The following TICRR variants were observed in gnomAD, a reference collection of about 807,000 sequenced individuals.
TICRR encodes treslin.
TICRR carries 132 observed loss-of-function variants against 178.1 expected under a neutral mutation model. The ratio of observed to expected loss-of-function variants is 0.74; its 90% CI spans 0.64 to 0.86. The LOEUF (loss-of-function observed/expected upper bound fraction) is 0.86, where lower values mean the gene tolerates loss of function less well. Ranked by LOEUF, TICRR falls within the 40% of genes least tolerant of loss-of-function variation. The pLI is 0.00. For synonymous variants in TICRR, 991 were observed against 900.7 expected (o/e 1.10, Z -1.79); for missense variants, 2,587 against 2,334.3 (o/e 1.11, Z -2.23).
At chr15:89,593,263 T>C (rs1167509395) in intron 5 of TICRR, among the ~76,000 whole-genome samples, 1 of 152,222 alleles carries the variant, frequency 6.6e-6, no homozygotes, top group Non-Finnish European at 1.5e-5. Context: ...GGTGCAGCTA[T>C]CCATTTATTT....
intron 15 of TICRR, among the ~76,000 whole-genome samples, chr15:89,612,421 C>T (rs1167074469): frequency 6.6e-6 from 1 of 152,158 alleles, no homozygotes; most frequent in Non-Finnish European, 1.5e-5. Flanking sequence ...GCCTGGTTGA[C>T]CAAAGCATGC....
At chr15:89,595,070 T>C (rs906761935) in intron 6 of TICRR, among the ~76,000 whole-genome samples, 1 of 152,222 alleles carries the variant, frequency 6.6e-6, no homozygotes, top group Non-Finnish European at 1.5e-5. Context: ...TTCAGAAATT[T>C]TCATCACCAT....
At chr15:89,584,938 G>A (rs545900865) in intron 3 of TICRR, among the ~76,000 whole-genome samples, 1 of 152,288 alleles carries the variant, frequency 6.6e-6, no homozygotes, top group South Asian at 2.1e-4. Context: ...TATATACAAT[G>A]TAATATAATT....
At chr15:89,620,281 T>A (rs1963403402) in intron 18 of TICRR, among the ~76,000 whole-genome samples, 2 of 152,182 alleles carry the variant, frequency 1.3e-5, no homozygotes, top group African/African-American at 4.8e-5. Context: ...CGAACACAGC[T>A]CACTGTAGCC....
intron 4 of TICRR, among the ~76,000 whole-genome samples, chr15:89,589,783 C>T (rs1203896973): frequency 1.3e-5 from 2 of 152,066 alleles, no homozygotes; most frequent in Non-Finnish European, 2.9e-5. Flanking sequence ...GGGAAAACTA[C>T]AGTTGGGGCA....
chr15:89,623,867 C>G lies in TICRR; in HGVS notation c.3557C>G (p.Thr1186Ser). The part of the protein sequence containing the change: ...QKRHTQAGEG[T>S]SLETKTPRTP... ...CGACATACCCAGGCAGGAGAAGGTACCTCTCTTGAAACGAAGACACCAAGA... is the reference window on the plus strand; with the variant it reads ...CGACATACCCAGGCAGGAGAAGGTAGCTCTCTTGAAACGAAGACACCAAGA... Residue 1186 changes from threonine (T) to serine (S), a missense_variant, in exon 20 of 22, where the codon ACC becomes AGC. Physicochemically the swap from Thr to Ser is moderately conservative, Grantham distance 58. Transcript: ENST00000268138. 6.2e-7 allele frequency: 1 copy of G among 1,613,884 alleles called. No homozygotes were observed. Among genetic ancestry groups the G allele is most frequent in the African/African-American group, 1.3e-5 (1 of 74,988 alleles).
chr15:89,576,706 T>G (rs1377881296), intron 1 of TICRR, among the ~76,000 whole-genome samples: 1 of 151,522 alleles, frequency 6.6e-6, no homozygotes, highest in Non-Finnish European at 1.5e-5. Context: ...ACTTAACCAT[T>G]TCTCCATATG....
chr15:89,625,751 T>C lies in TICRR; in HGVS notation c.5441T>C (p.Leu1814Pro). The change falls in exon 20 of 22, where the codon CTA becomes CCA. Residue 1814 changes from leucine to proline, a missense_variant. Leu to Pro is a moderately conservative substitution (Grantham distance 98). Transcript: ENST00000268138. ...EGSPSWSAWQ[L>P]PSTGDEEVFV... Reference sequence around the variant, plus strand: ...TCTCCAAGTTGGAGTGCATGGCAGCTACCCTCCACGGGAGACGAAGAGGTG... The same window carrying C: ...TCTCCAAGTTGGAGTGCATGGCAGCCACCCTCCACGGGAGACGAAGAGGTG... 1 of 1,612,410 alleles carries C rather than the reference T, an allele frequency of 6.2e-7. No homozygotes were observed. Among genetic ancestry groups the C allele is most frequent in the Non-Finnish European group, 8.5e-7 (1 of 1,179,376 alleles).
intron 17 of TICRR, among the ~76,000 whole-genome samples, chr15:89,618,686 TGTG>T (rs1275254321): frequency 6.6e-6 from 1 of 152,218 alleles, no homozygotes; most frequent in Admixed American, 6.5e-5. Flanking sequence ...GAGCAGCAGG[TGTG>T]GTGGTTCACG....
At position 89,625,805 on chromosome 15, in the gene TICRR, C is replaced by T. The variant is rs1474074682; in HGVS notation, c.5476+19C>T. 5 of 1,582,818 alleles carry T rather than the reference C, an allele frequency of 3.2e-6. No individual in the cohort carries two copies. Among genetic ancestry groups the T allele is most frequent in the Non-Finnish European group, 4.3e-6 (5 of 1,163,858 alleles). ...GTTTCCGGTGAGTTCGTTTTTGAAA[C>T]CCAGTTTCCTCATGGTTTCTTTTGG... On this transcript the variant is annotated intron_variant, in intron 20 of 21. Coordinates refer to ENST00000268138, the MANE Select transcript of TICRR (RefSeq NM_152259.4).
In TICRR at chr15:89,625,956, T is replaced by C. The variant is rs200586263; in HGVS notation, c.5497T>C (p.Cys1833Arg). The C allele has an allele frequency of 2.0e-4, 312 of 1,586,770 alleles. No homozygotes were observed. The highest frequency in any genetic ancestry group is 5.1e-4 in the Middle Eastern group (3 of 5,906). Residue 1833 changes from cysteine (C) to arginine (R), a missense_variant, in exon 21 of 22, where the codon TGT becomes CGT. Transcript: ENST00000268138. ...FVSGSTPPPS[C>R]AVRSCLSASA... ...TTTAGGCTCCACCCCACCTCCCAGC[T>C]GTGCCGTGCGGAGCTGCCTCTCTGC...
In TICRR at chr15:89,625,160, C is replaced by T; in HGVS notation, c.4850C>T (p.Pro1617Leu). 1 of 1,613,882 alleles carries T rather than the reference C, an allele frequency of 6.2e-7. No homozygotes were observed. The highest frequency in any genetic ancestry group is 8.5e-7 in the Non-Finnish European group (1 of 1,179,988). The change falls in exon 20 of 22, where the codon CCT becomes CTT. Residue 1617 changes from proline (P) to leucine (L), a missense_variant. Pro to Leu is a moderately conservative substitution (Grantham distance 98). Coordinates refer to ENST00000268138, the MANE Select transcript of TICRR (RefSeq NM_152259.4). ...AGGGCCAGCAGGTCCTTAAGCAAAC[C>T]TGAACCCACCTATGTGTCACCCCCC... ...MPRASRSLSKPEPTYVSPPCP... is the reference protein window; with the variant it reads ...MPRASRSLSKLEPTYVSPPCP...
chr15:89,610,017 G>A (rs1005057031), intron 15 of TICRR, among the ~76,000 whole-genome samples: 5 of 151,980 alleles, frequency 3.3e-5, no homozygotes, highest in Non-Finnish European at 7.4e-5. Context: ...ATTTCGGAGC[G>A]CATTAATTTC....
intron 13 of TICRR, among the ~76,000 whole-genome samples, chr15:89,604,231 A>G (rs1963140927): frequency 6.6e-6 from 1 of 152,246 alleles, no homozygotes; most frequent in African/African-American, 2.4e-5. Flanking sequence ...AGATATTTGT[A>G]GCAGTCCTTT....
rs200636801 is a variant in TICRR at position 89,599,403 on chromosome 15, G to A, written c.1980G>A (p.Leu660=). ...QKTVATGEIM[L]YACARNMIST... Reference sequence around the variant, plus strand: ...CTGTGGCCACAGGAGAAATCATGTTGTATGCATGTGCTCGAAACATGATCT... The same window carrying A: ...CTGTGGCCACAGGAGAAATCATGTTATATGCATGTGCTCGAAACATGATCT... The change falls in exon 8 of 22, where the codon TTG becomes TTA. Residue 660 remains leucine, a synonymous_variant. Coordinates refer to ENST00000268138, the MANE Select transcript of TICRR (RefSeq NM_152259.4). The A allele has an allele frequency of 2.9e-5, 46 of 1,613,562 alleles. 1 individual carries two copies. In the Admixed American group the frequency reaches 3.3e-4, roughly 12 times the overall value.
intron 4 of TICRR, among the ~76,000 whole-genome samples, chr15:89,590,965 A>G (rs569619197): frequency 6.6e-6 from 1 of 152,280 alleles, no homozygotes; most frequent in Admixed American, 6.5e-5. Flanking sequence ...CTGTTCCCCC[A>G]ACCACCTCCT....
chr15:89,578,735 G>A (rs890346877), intron 1 of TICRR, among the ~76,000 whole-genome samples: 2 of 151,464 alleles, frequency 1.3e-5, no homozygotes, highest in African/African-American at 2.4e-5. Flanking sequence ...CTGATGTACC[G>A]TCGACTGAGG....
At chr15:89,586,373 A>AT (rs1962824089) in intron 4 of TICRR, among the ~76,000 whole-genome samples, 1 of 150,970 alleles carries the variant, frequency 6.6e-6, no homozygotes, top group Non-Finnish European at 1.5e-5. Flanking sequence ...TATATATATA[A>AT]AATCAACTTG....
Position 89,600,812 on chromosome 15 carries a change from A to C in TICRR, c.2153+127A>C, listed in dbSNP as rs1362668462. On this transcript the variant is annotated intron_variant, in intron 9 of 21. Coordinates refer to ENST00000268138, the MANE Select transcript of TICRR (RefSeq NM_152259.4). The stretch of plus-strand genomic sequence containing the variant: ...GTAATCCTAGTACCTTGGGAAGCCA[A>C]AGCAGGAGGATTGCTTGCAGCCAGG... 9.1e-5 allele frequency: 47 copies of C among 514,448 alleles called. No individual in the cohort carries two copies. In the East Asian group the frequency reaches 1.6e-3, roughly 17 times the overall value. 31.9% of individuals were successfully genotyped at this position (514,448 alleles called of 1,614,324 possible).
Sources: gnomAD v4.1 joint callset for allele counts (sites outside exome capture counted in the v4.1 genomes callset) on GRCh38, gnomAD v4.1.1 for gene constraint, MANE v1.5 for transcripts, NCBI Gene and HGNC (gene_info 2026-07-23, HGNC 2026-07-21) for gene names.